Variants in CDH12 observed in about 807,000 individuals in gnomAD.
The protein encoded by CDH12 is cadherin-12.
CDH12 carries 41 observed loss-of-function variants against 74.1 expected under a neutral mutation model. The observed-to-expected ratio is 0.55, with a 90% CI of 0.43 to 0.72. CDH12 has a LOEUF of 0.72. CDH12 is among the 30% of genes least tolerant of loss of function. CDH12 has a pLI of 0.00. For synonymous variants in CDH12, 399 were observed against 355.0 expected (o/e 1.12, Z -1.39); for missense variants, 945 against 977.2 (o/e 0.97, Z 0.44).
At chr5:22,245,048 G>C (rs938358236) in intron 3 of CDH12, among the ~76,000 whole-genome samples, 2 of 152,170 alleles carry the variant, frequency 1.3e-5, no homozygotes, top group Non-Finnish European at 2.9e-5. Flanking sequence ...CTGCGGCAGA[G>C]CACGCACGAG....
At chr5:21,886,646 T>G (rs2150039485) in intron 6 of CDH12, among the ~76,000 whole-genome samples, 1 of 149,936 alleles carries the variant, frequency 6.7e-6, no homozygotes, top group African/African-American at 2.4e-5. Context: ...ATATGCTTCT[T>G]TTTTTCCATT....
At chr5:22,144,248 A>G (rs1282739253) in intron 4 of CDH12, 1 of 152,206 alleles carries the variant, frequency 6.6e-6, no homozygotes, top group African/African-American at 2.4e-5. Flanking sequence ...ATTAGCTTCT[A>G]AGATTTGAAA....
chr5:22,203,571 T>C (rs1345119244), intron 4 of CDH12, among the ~76,000 whole-genome samples: 1 of 152,226 alleles, frequency 6.6e-6, no homozygotes, highest in Non-Finnish European at 1.5e-5. Context: ...TGCAGACATC[T>C]CTTTGACATA....
At chr5:22,487,600 T>C (rs1239629622) in intron 2 of CDH12, among the ~76,000 whole-genome samples, 1 of 152,136 alleles carries the variant, frequency 6.6e-6, no homozygotes, top group African/African-American at 2.4e-5. Context: ...AAAGCTGAGT[T>C]GAACACTGAG....
chr5:22,215,441 T>G, intron 3 of CDH12, among the ~76,000 whole-genome samples: 1 of 151,990 alleles, frequency 6.6e-6, no homozygotes, highest in Non-Finnish European at 1.5e-5. Context: ...AGAAAAAAAA[T>G]TCACAAAAAA....
intron 1 of CDH12, among the ~76,000 whole-genome samples, chr5:22,617,373 C>T (rs1737745362): frequency 6.6e-6 from 1 of 152,000 alleles, no homozygotes; most frequent in Admixed American, 6.6e-5. Context: ...CTATAAGATT[C>T]TATATAACAG....
In CDH12 at chr5:22,380,539, A is replaced by G. The variant is rs1580586687; in HGVS notation, c.-333+24718T>C. On this transcript the variant is annotated intron_variant, in intron 3 of 14. Coordinates refer to ENST00000382254, the MANE Select transcript of CDH12 (RefSeq NM_004061.5). Reference sequence around the variant, plus strand: ...TCATTTTATGTAATATAACAAATACAAAAAAAAAACTACTATGTACTTTCA... The same window carrying G: ...TCATTTTATGTAATATAACAAATACGAAAAAAAAACTACTATGTACTTTCA... Among the ~76,000 whole-genome samples, 2 of 12,956 alleles carry G rather than the reference A, an allele frequency of 1.5e-4. 1 individual carries two copies. The highest frequency in any genetic ancestry group is 4.9e-3 in the South Asian group (2 of 412). 8.5% of individuals were successfully genotyped at this position (12,956 alleles called of 152,430 possible). A position where few individuals can be genotyped will look rare whatever the true frequency, so the allele number is the denominator to read the frequency against.
chr5:22,049,917 C>T (rs1167252901), intron 5 of CDH12, among the ~76,000 whole-genome samples: 10 of 152,072 alleles, frequency 6.6e-5, no homozygotes, highest in Non-Finnish European at 1.5e-4. Context: ...AAAGTGAAAT[C>T]GTGGTAATTT....
chr5:21,765,978 G>A (rs1554027818), intron 11 of CDH12, among the ~76,000 whole-genome samples: 1 of 152,028 alleles, frequency 6.6e-6, no homozygotes, highest in Middle Eastern at 3.4e-3. Flanking sequence ...TAAATGAATG[G>A]GGAGTTTAGA....
intron 6 of CDH12, among the ~76,000 whole-genome samples, chr5:21,932,365 TC>T (rs1197879808): frequency 6.6e-6 from 1 of 152,218 alleles, no homozygotes; most frequent in Admixed American, 6.5e-5. Flanking sequence ...TATTGGAACA[TC>T]CTTTGATGTG....
At chr5:22,062,478 A>G (rs1295384106) in intron 5 of CDH12, among the ~76,000 whole-genome samples, 3 of 152,160 alleles carry the variant, frequency 2.0e-5, no homozygotes, top group Non-Finnish European at 2.9e-5. Context: ...GAATCAAGCT[A>G]TGCACTTAGA....
chr5:22,819,360 A>C (rs530018628), intron 1 of CDH12, among the ~76,000 whole-genome samples: 1 of 152,230 alleles, frequency 6.6e-6, no homozygotes, highest in African/African-American at 2.4e-5. Flanking sequence ...CTAAGTTAAA[A>C]ATTTAAAAAA....
In CDH12 at chr5:22,643,824, G is replaced by A. The variant is rs989864806; in HGVS notation, c.-522-138460C>T. On this transcript the variant is annotated intron_variant, in intron 1 of 14. Transcript: ENST00000382254. ...AGTCTATCAGTACCATTTTTCCAAC[G>A]GCATGTGCTTACTTCATGTTCATCT... Among the ~76,000 whole-genome samples the A allele has an allele frequency of 2.2e-5, 3 of 136,790 alleles. 1 individual carries two copies. The East Asian group carries it at 7.2e-4, about 33-fold the overall frequency. The allele number at this position is 136,790 out of a possible 152,430, so 89.7% of individuals were successfully genotyped here.
chr5:22,755,707 T>A (rs190760860), intron 1 of CDH12, among the ~76,000 whole-genome samples: 2 of 152,280 alleles, frequency 1.3e-5, no homozygotes, highest in Admixed American at 6.5e-5. Flanking sequence ...TTTTTAAACT[T>A]TACTTGCCCA....
intron 3 of CDH12, among the ~76,000 whole-genome samples, chr5:22,252,389 A>T (rs897167346): frequency 5.2e-5 from 6 of 114,440 alleles, no homozygotes; most frequent in Non-Finnish European, 7.8e-5. Flanking sequence ...TTCCAAACTT[A>T]AAAAAAAAAC....
intron 3 of CDH12, among the ~76,000 whole-genome samples, chr5:22,292,650 A>G (rs2150414227): frequency 6.6e-6 from 1 of 152,118 alleles, no homozygotes; most frequent in African/African-American, 2.4e-5. Flanking sequence ...ACACAAACAC[A>G]AATGACCAAT....
chr5:22,507,928 C>A (rs1030160052), intron 1 of CDH12, among the ~76,000 whole-genome samples: 1 of 152,148 alleles, frequency 6.6e-6, no homozygotes, highest in African/African-American at 2.4e-5. Context: ...TGCCTTGTGG[C>A]CACTTTCAGT....
intron 5 of CDH12, among the ~76,000 whole-genome samples, chr5:22,038,641 G>A (rs984217307): frequency 2.6e-5 from 4 of 152,116 alleles, no homozygotes; most frequent in South Asian, 2.1e-4. Context: ...GCCACCATTC[G>A]TGCCTAAGTT....
At chr5:22,164,255 T>G (rs1476247012) in intron 4 of CDH12, among the ~76,000 whole-genome samples, 1 of 152,112 alleles carries the variant, frequency 6.6e-6, no homozygotes, top group African/African-American at 2.4e-5. Flanking sequence ...TCTTGGGCCA[T>G]GCAGTGAGTG....
Sources: gnomAD v4.1 joint callset for allele counts (sites outside exome capture counted in the v4.1 genomes callset) on GRCh38, gnomAD v4.1.1 for gene constraint, MANE v1.5 for transcripts, NCBI Gene and HGNC (gene_info 2026-07-23, HGNC 2026-07-21) for gene names.